Variants in ZNF486 observed in about 807,000 individuals in gnomAD.
The protein encoded by ZNF486 is zinc finger protein 486.
ZNF486 carries 12 observed loss-of-function variants against 12.8 expected under a neutral mutation model. The observed-to-expected ratio is 0.94, with a 90% confidence interval of 0.60 to 1.52. ZNF486 has a LOEUF of 1.52. Among genes scored for constraint, ZNF486 ranks in the 40% most tolerant of loss-of-function variants. ZNF486 has a pLI of 0.00. For missense variants in ZNF486, 738 were observed against 545.0 expected (o/e 1.35, Z -3.53); for synonymous variants, 231 against 184.9 (o/e 1.25, Z -2.02).
At chr19:20,178,396 A>G (rs1045411541) in intron 1 of ZNF486, among the ~76,000 whole-genome samples, 2 of 151,978 alleles carry the variant, frequency 1.3e-5, no homozygotes, top group Non-Finnish European at 2.9e-5. Flanking sequence ...GGCTCCCACC[A>G]CCACACCTGG....
intron 3 of ZNF486, among the ~76,000 whole-genome samples, chr19:20,187,077 C>A (rs534994078): frequency 6.6e-6 from 1 of 151,954 alleles, no homozygotes; most frequent in African/African-American, 2.4e-5. Flanking sequence ...GCCACCCCGC[C>A]CGGCCCATAG....
intron 3 of ZNF486, among the ~76,000 whole-genome samples, chr19:20,190,606 A>G (rs2089892781): frequency 6.6e-6 from 1 of 152,128 alleles, no homozygotes; most frequent in South Asian, 2.1e-4. Flanking sequence ...GCTGGTCTCA[A>G]ACTTTTGGCC....
At chr19:20,187,976 A>G (rs2089867289) in intron 3 of ZNF486, among the ~76,000 whole-genome samples, 1 of 151,978 alleles carries the variant, frequency 6.6e-6, no homozygotes, top group African/African-American at 2.4e-5. Context: ...GGGTAGTTGT[A>G]CTTCTCATTT....
rs782232587 is a variant in ZNF486 at position 20,198,334 on chromosome 19, C to T, written c.*232C>T. The T allele has an allele frequency of 8.7e-6, 4 of 460,618 alleles. No homozygotes were observed. The highest frequency in any genetic ancestry group is 1.5e-5 in the Non-Finnish European group (4 of 258,934). The allele number at this position is 460,618 out of a possible 1,614,324, so 28.5% of individuals were successfully genotyped here. A position where few individuals can be genotyped will look rare whatever the true frequency, so the allele number is the denominator to read the frequency against. ...GTCAGGCTGGTCTCAATCTCCTAAC[C>T]TCAGGTGGTCTGCCTGCTTTGGCCT... On this transcript the variant is annotated 3_prime_UTR_variant, in exon 4 of 4. Transcript: ENST00000335117.
chr19:20,176,223 C>G lies in ZNF486; in HGVS notation c.31-8133C>G, dbSNP rs185399253. On this transcript the variant is annotated intron_variant, in intron 1 of 3. Coordinates refer to ENST00000335117, the MANE Select transcript of ZNF486 (RefSeq NM_052852.4). ...GCAGAGGCGCTCCCCACATCTCATACGATGGGCGGCCGGGCAGAGACGCTC... is the reference window on the plus strand; with the variant it reads ...GCAGAGGCGCTCCCCACATCTCATAGGATGGGCGGCCGGGCAGAGACGCTC... The G allele has an allele frequency of 3.8e-4, 70 of 185,670 alleles. No individual in the cohort carries two copies. In the East Asian group the frequency reaches 5.6e-3, roughly 15 times the overall value. The allele number at this position is 185,670 out of a possible 1,614,324, so 11.5% of individuals were successfully genotyped here. A position where few individuals can be genotyped will look rare whatever the true frequency, so the allele number is the denominator to read the frequency against.
intron 1 of ZNF486, among the ~76,000 whole-genome samples, chr19:20,168,874 T>A (rs1461583438): frequency 6.6e-6 from 1 of 151,866 alleles, no homozygotes; most frequent in Non-Finnish European, 1.5e-5. Context: ...ACAGTCTTGC[T>A]TTGTGGCCCA....
At chr19:20,193,231 T>A (rs2089919690) in intron 3 of ZNF486, among the ~76,000 whole-genome samples, 1 of 152,124 alleles carries the variant, frequency 6.6e-6, no homozygotes, top group Non-Finnish European at 1.5e-5. Flanking sequence ...GTGTATCTAT[T>A]AACATTTATG....
rs117093275 is a variant in ZNF486 at position 20,196,493 on chromosome 19, T to C, written c.254-471T>C. Among the ~76,000 whole-genome samples the C allele has an allele frequency of 2.1e-3, 314 of 152,300 alleles. 1 individual carries two copies. The highest frequency in any genetic ancestry group is 3.2e-3 in the Non-Finnish European group (219 of 68,026). On this transcript the variant is annotated intron_variant, in intron 3 of 3. Coordinates refer to ENST00000335117, the MANE Select transcript of ZNF486 (RefSeq NM_052852.4). ...ACAGCGGCCCATGACCATGACTGGCTAACTTTTTGTAATTTTAGTAGAGAT... is the reference window on the plus strand; with the variant it reads ...ACAGCGGCCCATGACCATGACTGGCCAACTTTTTGTAATTTTAGTAGAGAT...
chr19:20,172,510 G>T (rs2089659708), intron 1 of ZNF486, among the ~76,000 whole-genome samples: 1 of 151,992 alleles, frequency 6.6e-6, no homozygotes, highest in Non-Finnish European at 1.5e-5. Context: ...TGTTGGCCAG[G>T]CTGGTTTTGA....
At position 20,200,170 on chromosome 19, in the gene ZNF486, ATTC is replaced by A. The variant is rs1555718704; in HGVS notation, c.*2071_*2073del. The A allele has an allele frequency of 6.6e-6, 1 of 152,056 alleles. No individual in the cohort carries two copies. 9.4% of individuals were successfully genotyped at this position (152,056 alleles called of 1,614,324 possible). A position where few individuals can be genotyped will look rare whatever the true frequency, so the allele number is the denominator to read the frequency against. On this transcript the variant is annotated 3_prime_UTR_variant, in exon 4 of 4. Transcript: ENST00000335117. Reference sequence around the variant, plus strand: ...TCAAATTACTTTATGCTGTTATTTTATTCTTATTGTATTCACATGTGAAAGCAT... The same window carrying A: ...TCAAATTACTTTATGCTGTTATTTTATTATTGTATTCACATGTGAAAGCAT...
At position 20,197,387 on chromosome 19, in the gene ZNF486, C is replaced by T. The variant is rs2089969929; in HGVS notation, c.677C>T (p.Thr226Ile). 6.2e-7 allele frequency: 1 copy of T among 1,613,128 alleles called. No homozygotes were observed. Among genetic ancestry groups the T allele is most frequent in the Non-Finnish European group, 8.5e-7 (1 of 1,179,490 alleles). Residue 226 changes from threonine to isoleucine, a missense_variant, in exon 4 of 4, where the codon ACT becomes ATT. Transcript: ENST00000335117. ...GCCTTCAACCGGTCCTCACACCTTA[C>T]TACACATAAGATAACTCATACTAGA... is the stretch of plus-strand genomic sequence containing the variant. ...GKAFNRSSHL[T>I]THKITHTREK...
At position 20,174,931 on chromosome 19, in the gene ZNF486, A is replaced by T. The variant is rs185690340; in HGVS notation, c.30+7571A>T. ...AAGACATGTGATGTGGCCACCCAAA[A>T]ACCATAATAGCTCTTCAGTTTGCTA... On this transcript the variant is annotated intron_variant, in intron 1 of 3. Coordinates refer to ENST00000335117, the MANE Select transcript of ZNF486 (RefSeq NM_052852.4). The T allele has an allele frequency of 2.0e-5, 3 of 152,306 alleles. No individual in the cohort carries two copies. The East Asian group carries it at 5.8e-4, about 29-fold the overall frequency. The allele number at this position is 152,306 out of a possible 1,614,324, so 9.4% of individuals were successfully genotyped here.
Position 20,191,237 on chromosome 19 carries a change from C to T in ZNF486, c.253+5155C>T, listed in dbSNP as rs543410542. 3.9e-5 allele frequency among the ~76,000 whole-genome samples: 6 copies of T among 152,012 alleles called. No homozygotes were observed. In the South Asian group the frequency reaches 8.3e-4, roughly 21 times the overall value. ...CTGTAATCCCTGCACTTTGGGAGGC[C>T]GAGGCGGGTGGATCATGAGGTCAGG... is the stretch of plus-strand genomic sequence containing the variant. On this transcript the variant is annotated intron_variant, in intron 3 of 3. Transcript: ENST00000335117.
rs1198658042 is a variant in ZNF486 at position 20,200,399 on chromosome 19, AAAT to A, written c.*2301_*2303del. The A allele has an allele frequency of 1.3e-5, 2 of 152,172 alleles. No homozygotes were observed. The highest frequency in any genetic ancestry group is 2.9e-5 in the Non-Finnish European group (2 of 68,032). 9.4% of individuals were successfully genotyped at this position (152,172 alleles called of 1,614,324 possible). A position where few individuals can be genotyped will look rare whatever the true frequency, so the allele number is the denominator to read the frequency against. On this transcript the variant is annotated 3_prime_UTR_variant, in exon 4 of 4. Transcript: ENST00000335117. ...ATACTTTTCTACATTATAGTGCAAG[AAAT>A]AATTATTGATAAAAGTATATTAAAC...
At chr19:20,171,826 C>G (rs1348737962) in intron 1 of ZNF486, among the ~76,000 whole-genome samples, 1 of 152,096 alleles carries the variant, frequency 6.6e-6, no homozygotes, top group Admixed American at 6.6e-5. Flanking sequence ...GAGGTACTAC[C>G]CATAGCACCA....
intron 1 of ZNF486, chr19:20,176,610 G>C (rs1336754241): frequency 1.2e-5 from 2 of 166,856 alleles, no homozygotes; most frequent in African/African-American, 4.8e-5. Context: ...ATCACTCGCG[G>C]TTAGGAGCTG....
At chr19:20,186,434 CT>C (rs2089847178) in intron 3 of ZNF486, among the ~76,000 whole-genome samples, 1 of 152,018 alleles carries the variant, frequency 6.6e-6, no homozygotes, top group Non-Finnish European at 1.5e-5. Flanking sequence ...AACTAAAACC[CT>C]TTTTTAAGTT....
rs74939683 is a variant in ZNF486 at position 20,195,583 on chromosome 19, C to T, written c.254-1381C>T. Among the ~76,000 whole-genome samples, 876 of 152,256 alleles carry T rather than the reference C, an allele frequency of 5.8e-3. 11 individuals carry two copies. The highest frequency in any genetic ancestry group is 0.02 in the African/African-American group (846 of 41,542). ...TCTAATATTTGGTATACATTATCAT[C>T]TTTGATAGAGATTTGGAAATTAACA... On this transcript the variant is annotated intron_variant, in intron 3 of 3. Transcript: ENST00000335117.
In ZNF486 at chr19:20,191,632, T is replaced by A. The variant is rs554759770; in HGVS notation, c.254-5332T>A. On this transcript the variant is annotated intron_variant, in intron 3 of 3. Transcript: ENST00000335117. ...AAAATATAAAAAAATTAGCCGGGCA[T>A]GGTGGTGGGCGCCTGTAGTCCCAGC... Among the ~76,000 whole-genome samples the A allele has an allele frequency of 4.7e-5, 7 of 150,406 alleles. No individual in the cohort carries two copies. In the South Asian group the frequency reaches 1.5e-3, roughly 32 times the overall value.
Sources: gnomAD v4.1 joint callset for allele counts (sites outside exome capture counted in the v4.1 genomes callset) on GRCh38, gnomAD v4.1.1 for gene constraint, MANE v1.5 for transcripts, NCBI Gene and HGNC (gene_info 2026-07-23, HGNC 2026-07-21) for gene names.